SLC5A4: variants seen among roughly 807,000 people sequenced by gnomAD.
SLC5A4 encodes the protein probable glucose sensor protein SLC5A4.
In SLC5A4, 55 loss-of-function variants were observed where a neutral mutation model predicts 70.3. That is an observed-to-expected ratio of 0.78 (90% confidence interval 0.63 to 0.98). SLC5A4 has a LOEUF of 0.98. SLC5A4 is among the 50% of genes least tolerant of loss of function. The pLI is 0.00. For synonymous variants in SLC5A4, 268 were observed against 305.7 expected (o/e 0.88, Z 1.29); for missense variants, 735 against 839.2 (o/e 0.88, Z 1.53).
At chr22:32,309,358 T>C in the SLC5A4 span, among the ~76,000 whole-genome samples, 2 of 152,182 alleles carry the variant, frequency 1.3e-5, no homozygotes, top group Admixed American at 1.3e-4. Context: ...GTGGACATCT[T>C]ATCCTCTTGT....
At chr22:32,268,027 G>C in the SLC5A4 span, among the ~76,000 whole-genome samples, 1 of 152,178 alleles carries the variant, frequency 6.6e-6, no homozygotes. Flanking sequence ...GGGAAGCTGA[G>C]GCAGGAGAAT....
At chr22:32,326,959 C>T in the SLC5A4 span, among the ~76,000 whole-genome samples, 5 of 152,190 alleles carry the variant, frequency 3.3e-5, no homozygotes, top group South Asian at 4.1e-4. Context: ...GACTCACCCC[C>T]GCAGCCTCCA....
the SLC5A4 span, among the ~76,000 whole-genome samples, chr22:32,294,769 T>C: frequency 8.0e-6 from 1 of 124,610 alleles, no homozygotes; most frequent in Admixed American, 8.5e-5. Context: ...ACCCACTAAC[T>C]CATCATCTAG....
chr22:32,218,704 C>T lies in SLC5A4; in HGVS notation c.1790G>A (p.Gly597Glu). Residue 597 changes from glycine (G) to glutamate (E), a missense_variant, in exon 15 of 15, where the codon GGA becomes GAA. Transcript: ENST00000266086. Reference sequence around the variant, plus strand: ...CAAGTCATAAGCTTTCTTGAGGCATCCACGTGATTTCTCAGGATAATCTGG... The same window carrying T: ...CAAGTCATAAGCTTTCTTGAGGCATTCACGTGATTTCTCAGGATAATCTGG... The part of the protein sequence containing the change: ...VEEDYPEKSR[G>E]CLKKAYDLFC... 6.2e-7 allele frequency: 1 copy of T among 1,613,792 alleles called. No homozygotes were observed. Among genetic ancestry groups the T allele is most frequent in the African/African-American group, 1.3e-5 (1 of 74,984 alleles).
chr22:32,314,138 G>C, the SLC5A4 span, among the ~76,000 whole-genome samples: 105 of 152,328 alleles, frequency 6.9e-4, 1 homozygote, highest in South Asian at 0.021. Flanking sequence ...CTTTGCATCA[G>C]TGGGAATGTG....
chr22:32,325,361 C>T, the SLC5A4 span, among the ~76,000 whole-genome samples: 24 of 152,020 alleles, frequency 1.6e-4, no homozygotes, highest in Non-Finnish European at 3.1e-4. Flanking sequence ...GGGCCCTGGC[C>T]GGGGTGGAGA....
At chr22:32,267,987 G>C in the SLC5A4 span, among the ~76,000 whole-genome samples, 2 of 152,150 alleles carry the variant, frequency 1.3e-5, no homozygotes, top group Non-Finnish European at 2.9e-5. Flanking sequence ...AGCCAGGCGT[G>C]GTGGTGGGCG....
At chr22:32,269,891 CTT>C in the SLC5A4 span, 1 of 570,540 alleles carries the variant, frequency 1.8e-6, no homozygotes, top group Middle Eastern at 2.9e-4. The surrounding 1 kb of genome is among the most constrained non-coding windows in gnomAD (Gnocchi z 4.1). Flanking sequence ...GAGTGTTCCA[CTT>C]TTGACAAGGC....
chr22:32,319,900 A>G, the SLC5A4 span, among the ~76,000 whole-genome samples: 1 of 152,156 alleles, frequency 6.6e-6, no homozygotes, highest in South Asian at 2.1e-4. Context: ...AACGATGCCC[A>G]GCACAGGGTC....
chr22:32,309,910 T>G, the SLC5A4 span, among the ~76,000 whole-genome samples: 1 of 151,762 alleles, frequency 6.6e-6, no homozygotes, highest in Non-Finnish European at 1.5e-5. Context: ...TGGGTCTCGG[T>G]GATCTCTGCT....
chr22:32,331,756 C>T, the SLC5A4 span, among the ~76,000 whole-genome samples: 1 of 152,112 alleles, frequency 6.6e-6, no homozygotes, highest in Non-Finnish European at 1.5e-5. Context: ...GCAGGACACG[C>T]AGCCCACATC....
intron 5 of SLC5A4, among the ~76,000 whole-genome samples, chr22:32,242,042 G>A (rs1055577572): frequency 1.3e-5 from 2 of 151,768 alleles, no homozygotes; most frequent in Middle Eastern, 3.4e-3. Context: ...GTATATGTAC[G>A]TGTATAGCTG....
chr22:32,353,175 G>A, the SLC5A4 span, among the ~76,000 whole-genome samples: 1 of 152,158 alleles, frequency 6.6e-6, no homozygotes, highest in African/African-American at 2.4e-5. Context: ...CTGGAGTGGG[G>A]ACTGGAGACA....
At chr22:32,345,617 A>G in the SLC5A4 span, among the ~76,000 whole-genome samples, 11 of 152,300 alleles carry the variant, frequency 7.2e-5, no homozygotes, top group African/African-American at 2.4e-4. Flanking sequence ...AACAAACACA[A>G]AAACAGGTTA....
intron 1 of SLC5A4, 59 bp downstream of exon 1, chr22:32,255,136 T>G: frequency 6.7e-7 from 1 of 1,493,588 alleles, no homozygotes; most frequent in Non-Finnish European, 9.3e-7. Flanking sequence ...CCTTCCCCCC[T>G]TAAGATACCC....
At chr22:32,308,555 C>T in the SLC5A4 span, among the ~76,000 whole-genome samples, 1 of 152,240 alleles carries the variant, frequency 6.6e-6, no homozygotes, top group African/African-American at 2.4e-5. Flanking sequence ...TGGAAACCAT[C>T]TCCTGGCCAA....
the SLC5A4 span, among the ~76,000 whole-genome samples, chr22:32,300,167 C>T: frequency 1.3e-5 from 2 of 152,222 alleles, no homozygotes; most frequent in Admixed American, 6.5e-5. Context: ...CCTCCTTGAG[C>T]TGTGGTGAGC....
chr22:32,328,876 A>G, the SLC5A4 span, among the ~76,000 whole-genome samples: 1 of 152,198 alleles, frequency 6.6e-6, no homozygotes, highest in Non-Finnish European at 1.5e-5. Context: ...CTCTACCCTC[A>G]GGGAACGAGC....
At chr22:32,274,412 A>T in the SLC5A4 span, among the ~76,000 whole-genome samples, 12 of 152,282 alleles carry the variant, frequency 7.9e-5, no homozygotes, top group African/African-American at 2.9e-4. Flanking sequence ...AGTACCCCTC[A>T]TAGTTTGTTG....
Sources: allele counts gnomAD v4.1 joint callset (sites outside exome capture counted in the v4.1 genomes callset), GRCh38; gene constraint gnomAD v4.1.1; non-coding constraint Gnocchi (gnomAD v3.1); transcripts MANE v1.5; gene names NCBI Gene and HGNC (gene_info 2026-07-23, HGNC 2026-07-21).